The following ALG1 variants were observed in gnomAD, a reference collection of about 807,000 sequenced individuals.
The protein encoded by ALG1 is ALG1 chitobiosyldiphosphodolichol beta-mannosyltransferase.
In ALG1, 58 loss-of-function variants were observed where a neutral mutation model predicts 55.1. The observed-to-expected ratio is 1.05, with a 90% CI of 0.85 to 1.31. The LOEUF (loss-of-function observed/expected upper bound fraction) is 1.31, where lower values mean the gene tolerates loss of function less well. ALG1 is among the 50% of genes most tolerant of loss of function. The pLI, the probability that ALG1 is intolerant of heterozygous loss-of-function variation, is 0.00. For synonymous variants in ALG1, 309 were observed against 247.0 expected (o/e 1.25, Z -2.35); for missense variants, 761 against 598.6 (o/e 1.27, Z -2.83).
chr16:5,077,768 A>C, intron 5 of ALG1, 139 bp from the exon 6 acceptor site: 2 of 1,083,616 alleles, frequency 1.8e-6, no homozygotes, highest in Non-Finnish European at 2.8e-6. Flanking sequence ...TGCATTCCCA[A>C]GTAATTGCAA....
intron 3 of ALG1, chr16:5,073,463 CTG>C (rs566973911): frequency 1.8e-5 from 11 of 612,868 alleles, no homozygotes; most frequent in South Asian, 1.4e-4. Flanking sequence ...ATTGTACTGA[CTG>C]TGTATCAAGT....
intron 4 of ALG1, 129 bp from the exon 5 acceptor site, chr16:5,077,316 A>T (rs1349303425): frequency 1.2e-6 from 1 of 803,776 alleles, no homozygotes; most frequent in Non-Finnish European, 2.2e-6. Context: ...ACACTGGCAC[A>T]GCTGGGGCTC....
intron 9 of ALG1, 140 bp from the exon 10 acceptor site, chr16:5,080,806 C>T (rs1957002995): frequency 8.2e-7 from 1 of 1,218,700 alleles, no homozygotes; most frequent in Non-Finnish European, 1.2e-6. Context: ...CTGGAAGGGC[C>T]CGGATGGGGC....
intron 3 of ALG1, among the ~76,000 whole-genome samples, chr16:5,073,602 C>G (rs1043842645): frequency 6.6e-6 from 1 of 152,228 alleles, no homozygotes; most frequent in Non-Finnish European, 1.5e-5. Flanking sequence ...GAGAAAGGCT[C>G]TGTAAGTAGC....
rs1337794919 is a variant in ALG1 at position 5,086,133 on chromosome 16, C to G, written c.*1252C>G. ...GGCGGATCACTTGAGGTCAGGAGTT[C>G]GAGACCAGCCTGGCCAACATGGTGA... is the stretch of plus-strand genomic sequence containing the variant. On this transcript the variant is annotated 3_prime_UTR_variant, in exon 13 of 13. Coordinates refer to ENST00000262374, the MANE Select transcript of ALG1 (RefSeq NM_019109.5). Among the ~76,000 whole-genome samples, 1 of 152,098 alleles carries G rather than the reference C, an allele frequency of 6.6e-6. No homozygotes were observed. Among genetic ancestry groups the G allele is most frequent in the Admixed American group, 6.5e-5 (1 of 15,274 alleles).
At position 5,086,209 on chromosome 16, in the gene ALG1, C is replaced by G. The variant is rs1283111560; in HGVS notation, c.*1328C>G. ...AATTAGCCAGGCATGATGGCGAGTG[C>G]CTGTAATCCCAGCTACTTGGGAGGC... On this transcript the variant is annotated 3_prime_UTR_variant, in exon 13 of 13. Transcript: ENST00000262374. Among the ~76,000 whole-genome samples, 1 of 152,024 alleles carries G rather than the reference C, an allele frequency of 6.6e-6. No individual in the cohort carries two copies. Among genetic ancestry groups the G allele is most frequent in the Non-Finnish European group, 1.5e-5 (1 of 68,014 alleles).
chr16:5,080,621 C>T (rs1405627310), intron 9 of ALG1, among the ~76,000 whole-genome samples: 9 of 152,320 alleles, frequency 5.9e-5, no homozygotes, highest in Non-Finnish European at 1.3e-4. Flanking sequence ...GTCCTCGTGT[C>T]CCCTGTGCAC....
At chr16:5,072,217 G>A in intron 1 of ALG1, 160 bp downstream of exon 1, 1 of 1,527,714 alleles carries the variant, frequency 6.5e-7, no homozygotes, top group South Asian at 1.2e-5. Flanking sequence ...TTCCTGGGTG[G>A]GTCTCTAGGT....
In ALG1 at chr16:5,081,482, G is replaced by A. The variant is rs188191609; in HGVS notation, c.1072+426G>A. On this transcript the variant is annotated intron_variant, in intron 10 of 12. Transcript: ENST00000262374. ...TTCTCCAAGTGGGGAGTCGTGCCTTGGTCCTGATGCGTCTCTAGAGCTGCA... is the reference window on the plus strand; with the variant it reads ...TTCTCCAAGTGGGGAGTCGTGCCTTAGTCCTGATGCGTCTCTAGAGCTGCA... Among the ~76,000 whole-genome samples, 698 of 152,382 alleles carry A rather than the reference G, an allele frequency of 4.6e-3. 2 individuals carry two copies. Among genetic ancestry groups the A allele is most frequent in the Non-Finnish European group, 8.1e-3 (552 of 68,032 alleles).
rs9745493 is a variant in ALG1 at position 5,082,452 on chromosome 16, C to G, written c.1073-107C>G. Reference sequence around the variant, plus strand: ...ACTTGTGTTTGGGGCTGTTGGGGGCCTTATCTGATTTTCACTCTCCTTGGG... The same window carrying G: ...ACTTGTGTTTGGGGCTGTTGGGGGCGTTATCTGATTTTCACTCTCCTTGGG... On this transcript the variant is annotated intron_variant, in intron 10 of 12. Coordinates refer to ENST00000262374, the MANE Select transcript of ALG1 (RefSeq NM_019109.5). The G allele has an allele frequency of 1.4e-5, 17 of 1,216,048 alleles. No individual in the cohort carries two copies. In the East Asian group the frequency reaches 4.2e-4, roughly 30 times the overall value. 75.3% of individuals were successfully genotyped at this position (1,216,048 alleles called of 1,614,324 possible).
chr16:5,081,423 G>A (rs1386040126), intron 10 of ALG1, among the ~76,000 whole-genome samples: 2 of 152,234 alleles, frequency 1.3e-5, no homozygotes, highest in Non-Finnish European at 2.9e-5. Flanking sequence ...CAGTGAGATG[G>A]TTCTCCTTTG....
At chr16:5,081,480 T>C (rs1012949213) in intron 10 of ALG1, among the ~76,000 whole-genome samples, 1 of 152,246 alleles carries the variant, frequency 6.6e-6, no homozygotes, top group Non-Finnish European at 1.5e-5. Context: ...GAGTCGTGCC[T>C]TGGTCCTGAT....
Position 5,084,781 on chromosome 16 carries a change from G to A in ALG1, c.1295G>A (p.Gly432Asp), listed in dbSNP as rs760060722. The change falls in exon 13 of 13, where the codon GGC (glycine) becomes GAC (aspartate). Residue 432 changes from glycine to aspartate, a missense_variant. Gly to Asp is a moderately conservative substitution (Grantham distance 94). Transcript: ENST00000262374. ...TTCTCAAACTTTCCTGATCCTGCGGGCAAGCTAAACCAGTTCCGGAAGAAC... is the reference window on the plus strand; with the variant it reads ...TTCTCAAACTTTCCTGATCCTGCGGACAAGCTAAACCAGTTCCGGAAGAAC... ...MLFSNFPDPA[G>D]KLNQFRKNLR... 6.3e-7 allele frequency: 1 copy of A among 1,596,448 alleles called. No homozygotes were observed.
chr16:5,078,054 C>G (rs367577226), intron 6 of ALG1, 37 bp downstream of exon 6: 2 of 1,592,088 alleles, frequency 1.3e-6, no homozygotes, highest in African/African-American at 2.7e-5. Flanking sequence ...CTCTCCTGCT[C>G]GCCACTGCCC....
Position 5,084,802 on chromosome 16 carries a change from A to G in ALG1, c.1316A>G (p.Lys439Arg), listed in dbSNP as rs1281758881. 6.3e-6 allele frequency: 10 copies of G among 1,596,480 alleles called. No homozygotes were observed. Among genetic ancestry groups the G allele is most frequent in the Non-Finnish European group, 8.5e-6 (10 of 1,179,782 alleles). Reference protein sequence around the residue: ...DPAGKLNQFRKNLRESQQLRW... With the variant: ...DPAGKLNQFRRNLRESQQLRW... Reference sequence around the variant, plus strand: ...GCGGGCAAGCTAAACCAGTTCCGGAAGAACCTGCGGGAGTCGCAGCAGCTC... The same window carrying G: ...GCGGGCAAGCTAAACCAGTTCCGGAGGAACCTGCGGGAGTCGCAGCAGCTC... The change falls in exon 13 of 13, where the codon AAG becomes AGG. Residue 439 changes from lysine to arginine, a missense_variant. By Grantham distance (26) the Lys-to-Arg change is conservative. Transcript: ENST00000262374.
chr16:5,073,246 T>C lies in ALG1; in HGVS notation c.380T>C (p.Ile127Thr). 6.2e-7 allele frequency: 1 copy of C among 1,614,094 alleles called. No homozygotes were observed. Among genetic ancestry groups the C allele is most frequent in the South Asian group, 1.1e-5 (1 of 91,074 alleles). ...KLMWREPGAY[I>T]FLQNPPGLPS... The stretch of plus-strand genomic sequence containing the variant: ...ATGTGGAGGGAGCCAGGTGCCTATA[T>C]CTTTCTCCAGGTGTGTATCAGCCTC... The change falls in exon 3 of 13, where the codon ATC (isoleucine) becomes ACC (threonine). Residue 127 changes from isoleucine (I) to threonine (T), a missense_variant. By Grantham distance (89) the Ile-to-Thr change is moderately conservative. Coordinates refer to ENST00000262374, the MANE Select transcript of ALG1 (RefSeq NM_019109.5).
chr16:5,080,212 T>A (rs1431971525), intron 9 of ALG1, among the ~76,000 whole-genome samples: 4 of 151,594 alleles, frequency 2.6e-5, no homozygotes, highest in Non-Finnish European at 5.9e-5. Flanking sequence ...GGACTACAGG[T>A]GCCCACCACA....
intron 10 of ALG1, among the ~76,000 whole-genome samples, chr16:5,081,940 T>A (rs1297564439): frequency 1.3e-5 from 2 of 151,882 alleles, no homozygotes; most frequent in Non-Finnish European, 2.9e-5. Context: ...TGTGCTGTGG[T>A]TTATTATTAT....
chr16:5,080,936 C>G lies in ALG1; in HGVS notation c.962-10C>G, dbSNP rs1423969143. 1.9e-6 allele frequency: 3 copies of G among 1,596,116 alleles called. No homozygotes were observed. Among genetic ancestry groups the G allele is most frequent in the Non-Finnish European group, 2.5e-6 (3 of 1,179,652 alleles). The stretch of plus-strand genomic sequence containing the variant: ...TGGGTCCATGGCAGTGTCTGCTCTT[C>G]TCTGTGAAGGCAAAGGGCCTCTGAG... On this transcript the variant is annotated splice_polypyrimidine_tract_variant and intron_variant, in intron 9 of 12. Transcript: ENST00000262374.
Sources: allele counts gnomAD v4.1 joint callset (sites outside exome capture counted in the v4.1 genomes callset), GRCh38; gene constraint gnomAD v4.1.1; transcripts MANE v1.5; gene names NCBI Gene and HGNC (gene_info 2026-07-23, HGNC 2026-07-21).